The following NKD2 variants were observed in gnomAD, a reference collection of about 807,000 sequenced individuals.
The protein encoded by NKD2 is NKD inhibitor of Wnt signaling pathway 2.
A neutral mutation model predicts 34.8 loss-of-function variants in NKD2; 43 were observed. The ratio of observed to expected loss-of-function variants is 1.24; its 90% CI spans 0.97 to 1.60. The LOEUF (loss-of-function observed/expected upper bound fraction) is 1.60. Among genes scored for constraint, NKD2 ranks in the 40% most tolerant of loss-of-function variants. The pLI is 0.00. For missense variants in NKD2, 675 were observed against 627.1 expected (o/e 1.08, Z -0.82); for synonymous variants, 278 against 265.1 (o/e 1.05, Z -0.47).
At position 1,035,391 on chromosome 5, in the gene NKD2, C is replaced by G. The variant is rs138164953; in HGVS notation, c.577C>G (p.Arg193Gly). Residue 193 changes from arginine to glycine, a missense_variant and splice_region_variant, in exon 8 of 10, where the codon CGG becomes GGG. Coordinates refer to ENST00000296849, the MANE Select transcript of NKD2 (RefSeq NM_033120.4). Reference sequence around the variant, plus strand: ...TAATGGCAGGACCCCCCTTTCAGACCGGGAGCCCACCCGTTGCAGGATGGA... The same window carrying G: ...TAATGGCAGGACCCCCCTTTCAGACGGGGAGCCCACCCGTTGCAGGATGGA... The part of the protein sequence containing the change: ...RKEGPPAGQD[R>G]EPTRCRMEGE... The G allele has an allele frequency of 1.3e-6, 2 of 1,556,708 alleles. No individual in the cohort carries two copies. The highest frequency in any genetic ancestry group is 1.4e-5 in the African/African-American group (1 of 73,330).
chr5:1,037,769 A>T lies in NKD2; in HGVS notation c.788-36A>T, dbSNP rs1024183224. Reference sequence around the variant, plus strand: ...TGAGGAGATGGGAACCTGAGCCTGCACTCCCAGGGCCTCACACTCTGACCT... The same window carrying T: ...TGAGGAGATGGGAACCTGAGCCTGCTCTCCCAGGGCCTCACACTCTGACCT... On this transcript the variant is annotated intron_variant, in intron 9 of 9. Transcript: ENST00000296849. 6.4e-6 allele frequency: 10 copies of T among 1,562,362 alleles called. No individual in the cohort carries two copies. In the Admixed American group the frequency reaches 1.1e-4, roughly 17 times the overall value.
intron 3 of NKD2, among the ~76,000 whole-genome samples, chr5:1,011,390 G>A (rs920047473): frequency 6.6e-6 from 1 of 152,176 alleles, no homozygotes; most frequent in African/African-American, 2.4e-5. Flanking sequence ...TCCTACTGAC[G>A]TCCAGGAGAG....
chr5:1,033,579 C>T, intron 5 of NKD2, 80 bp downstream of exon 5: 1 of 1,442,488 alleles, frequency 6.9e-7, no homozygotes, highest in Non-Finnish European at 9.3e-7. Flanking sequence ...TTGCCCTAAA[C>T]TGGGCATCTG....
At chr5:1,026,109 C>T (rs1459583481) in intron 3 of NKD2, among the ~76,000 whole-genome samples, 2 of 106,304 alleles carry the variant, frequency 1.9e-5, no homozygotes, top group African/African-American at 7.2e-5. Context: ...GCTCTTCCCA[C>T]CCTCTGTGGG....
chr5:1,015,108 G>A (rs1009435547), intron 3 of NKD2, among the ~76,000 whole-genome samples: 2 of 152,352 alleles, frequency 1.3e-5, no homozygotes, highest in Non-Finnish European at 2.9e-5. Flanking sequence ...AGGTGTGGCC[G>A]GGCCCCTTCC....
intron 3 of NKD2, among the ~76,000 whole-genome samples, chr5:1,027,171 T>A (rs1256423178): frequency 2.0e-5 from 3 of 152,194 alleles, no homozygotes; most frequent in Admixed American, 2.0e-4. Context: ...ATTTCCCCAG[T>A]GGCAGAAACT....
At position 1,032,176 on chromosome 5, in the gene NKD2, G is replaced by A; in HGVS notation, c.166G>A (p.Glu56Lys). Residue 56 changes from glutamate to lysine, a missense_variant, in exon 4 of 10, where the codon GAG becomes AAG. Transcript: ENST00000296849. Reference protein sequence around the residue: ...KQELPNGDPKEGPFREDQCPL... With the variant: ...KQELPNGDPKKGPFREDQCPL... ...GGAGCTGCCCAATGGGGACCCCAAGGAGGGGCCTTTCCGGGAGGACCAGTG... is the reference window on the plus strand; with the variant it reads ...GGAGCTGCCCAATGGGGACCCCAAGAAGGGGCCTTTCCGGGAGGACCAGTG... 2 of 1,610,924 alleles carry A rather than the reference G, an allele frequency of 1.2e-6. No individual in the cohort carries two copies. Among genetic ancestry groups the A allele is most frequent in the Non-Finnish European group, 1.7e-6 (2 of 1,179,148 alleles).
chr5:1,034,161 A>G (rs1188447505), intron 5 of NKD2, 74 bp from the exon 6 acceptor site: 1 of 1,078,090 alleles, frequency 9.3e-7, no homozygotes, highest in Admixed American at 2.1e-5. Context: ...GCCCCAGAAG[A>G]TCCTTCCCCC....
intron 3 of NKD2, among the ~76,000 whole-genome samples, chr5:1,015,006 C>T (rs11955908): frequency 6.6e-6 from 1 of 152,220 alleles, no homozygotes; most frequent in Non-Finnish European, 1.5e-5. Flanking sequence ...GCCTGGGCCA[C>T]CTGCTTCCCC....
intron 9 of NKD2, chr5:1,037,597 A>C: frequency 1.3e-6 from 2 of 1,535,906 alleles, no homozygotes; most frequent in Non-Finnish European, 1.7e-6. Context: ...CGGCCTTTGC[A>C]GGGAGCTGTG....
At position 1,009,173 on chromosome 5, in the gene NKD2, C is replaced by T. The variant is rs1416248395; in HGVS notation, c.26-6C>T. The stretch of plus-strand genomic sequence containing the variant: ...TTTCCTCTCCCCGCGTCCCGCCGTG[C>T]CGCAGCCGCCGCCGCCCGCAAGCGG... On this transcript the variant is annotated splice_region_variant and splice_polypyrimidine_tract_variant and intron_variant, in intron 1 of 9. Transcript: ENST00000296849. The surrounding 1 kb of genome is among the most constrained non-coding windows in gnomAD (Gnocchi z 6.9). 1 of 563,184 alleles carries T rather than the reference C, an allele frequency of 1.8e-6. No homozygotes were observed. Among genetic ancestry groups the T allele is most frequent in the Admixed American group, 2.9e-5 (1 of 34,046 alleles). 34.9% of individuals were successfully genotyped at this position (563,184 alleles called of 1,614,324 possible).
intron 3 of NKD2, among the ~76,000 whole-genome samples, chr5:1,028,405 C>T (rs1257976648): frequency 6.6e-6 from 1 of 152,170 alleles, no homozygotes; most frequent in African/African-American, 2.4e-5. Flanking sequence ...GGGGTCAGAC[C>T]CTCCTCCCAA....
chr5:1,033,374 G>A lies in NKD2; in HGVS notation c.205G>A (p.Ala69Thr), dbSNP rs1258701997. 1.3e-6 allele frequency: 2 copies of A among 1,597,112 alleles called. No homozygotes were observed. The highest frequency in any genetic ancestry group is 1.7e-6 in the Non-Finnish European group (2 of 1,172,542). Residue 69 changes from alanine (A) to threonine (T), a missense_variant and splice_region_variant, in exon 5 of 10, where the codon GCA (alanine) becomes ACA (threonine). Transcript: ENST00000296849. ...FREDQCPLQV[A>T]LPAEKAEGRE... ...TTCGCCTCCTCTTGTCCCCCTAGTG[G>A]CACTCCCCGCTGAGAAAGCTGAGGG...
At chr5:1,029,433 AGC>A (rs1756551135) in intron 3 of NKD2, among the ~76,000 whole-genome samples, 1 of 152,118 alleles carries the variant, frequency 6.6e-6, no homozygotes, top group African/African-American at 2.4e-5. Flanking sequence ...TGGTTGGTGT[AGC>A]GCGCGGAGCG....
At chr5:1,028,132 C>A (rs886519655) in intron 3 of NKD2, among the ~76,000 whole-genome samples, 4 of 140,838 alleles carry the variant, frequency 2.8e-5, no homozygotes, top group African/African-American at 1.1e-4. Flanking sequence ...TGGGCTGGGA[C>A]CAGGACGGGG....
chr5:1,025,889 C>T (rs1253487243), intron 3 of NKD2, among the ~76,000 whole-genome samples: 10 of 114,800 alleles, frequency 8.7e-5, no homozygotes, highest in South Asian at 3.0e-4. Context: ...AGCCCGTTGT[C>T]CCTGCTCTTC....
intron 9 of NKD2, 115 bp downstream of exon 9, chr5:1,036,499 C>T: frequency 1.9e-6 from 1 of 525,336 alleles, no homozygotes; most frequent in Non-Finnish European, 3.0e-6. Flanking sequence ...CCCGCCCCCC[C>T]CCAACCCCCC....
chr5:1,024,955 C>G (rs1303800187), intron 3 of NKD2, among the ~76,000 whole-genome samples: 1 of 5,108 alleles, frequency 2.0e-4, no homozygotes, highest in African/African-American at 2.1e-4. Flanking sequence ...CCCTGCTCTT[C>G]CCACCCTCTG....
chr5:1,021,330 C>G (rs1159352036), intron 3 of NKD2, among the ~76,000 whole-genome samples: 1 of 137,710 alleles, frequency 7.3e-6, no homozygotes, highest in Non-Finnish European at 1.6e-5. Context: ...CACCTCCCAG[C>G]CCCTTTGCTC....
Sources: allele counts gnomAD v4.1 joint callset (sites outside exome capture counted in the v4.1 genomes callset), GRCh38; gene constraint gnomAD v4.1.1; non-coding constraint Gnocchi (gnomAD v3.1); transcripts MANE v1.5; gene names NCBI Gene and HGNC (gene_info 2026-07-23, HGNC 2026-07-21).